NOX1: variants seen among roughly 807,000 people sequenced by gnomAD.
NOX1 encodes NADH/NADPH mitogenic oxidase subunit P65-MOX.
Under a neutral mutation model 42.5 loss-of-function variants are expected in NOX1, and 34 were observed. The ratio of observed to expected loss-of-function variants is 0.80; its 90% CI spans 0.61 to 1.07. The LOEUF is 1.07. Ranked by LOEUF, NOX1 falls within the 50% of genes least tolerant of loss-of-function variation. NOX1 has a pLI of 0.00. For missense variants in NOX1, 408 were observed against 427.0 expected (o/e 0.96, Z 0.39); for synonymous variants, 143 against 152.5 (o/e 0.94, Z 0.46).
intron 7 of NOX1, among the ~76,000 whole-genome samples, chrX:100,861,073 CTT>C (rs2085200060): frequency 9.0e-6 from 1 of 111,482 alleles, no homozygotes; most frequent in South Asian, 3.8e-4. Context: ...AAAATTATCT[CTT>C]CTTTTATGGC....
intron 4 of NOX1, 120 bp downstream of exon 4, chrX:100,863,039 G>T: frequency 1.6e-6 from 1 of 634,485 alleles, no homozygotes; most frequent in Non-Finnish European, 2.6e-6. Flanking sequence ...GCCAAGAACA[G>T]TGCCTGACAA....
At chrX:100,853,284 T>TTCTTTCTTTCTTTCTTTCTCTCTCTTTC (rs2085132912) in intron 7 of NOX1, among the ~76,000 whole-genome samples, 8 of 71,352 alleles carry the variant, frequency 1.1e-4, no homozygotes, top group African/African-American at 4.4e-4. Context: ...CTTTCTTTCT[T>TTCTTTCTTTCTTTCTTTCTCTCTCTTTC]TCTTTCTTTC....
chrX:100,858,090 A>G lies in NOX1; in HGVS notation c.804+4081T>C, dbSNP rs193080560. Among the ~76,000 whole-genome samples the G allele has an allele frequency of 5.4e-5, 6 of 111,821 alleles. 1 individual carries two copies. The East Asian group carries it at 1.7e-3, about 31-fold the overall frequency. The stretch of plus-strand genomic sequence containing the variant: ...GGTTTTACATTTAAGTCTTTAATCC[A>G]TTTTGAGTTGGTTTTTGTATATGGT... On this transcript the variant is annotated intron_variant, in intron 7 of 12. Transcript: ENST00000372966.
At chrX:100,853,332 C>CTTTTTCTTTCTTTCTTTCTTTCTT (rs1556128756) in intron 7 of NOX1, among the ~76,000 whole-genome samples, 5 of 19,344 alleles carry the variant, frequency 2.6e-4, no homozygotes, top group Admixed American at 6.0e-4. Flanking sequence ...CTCTCTCTTT[C>CTTTTTCTTTCTTTCTTTCTTTCTT]TCTTTCTTTC....
chrX:100,849,685 C>T, intron 10 of NOX1, 87 bp downstream of exon 10: 1 of 942,713 alleles, frequency 1.1e-6, no homozygotes, highest in Non-Finnish European at 1.5e-6. Context: ...ATAGGTTGCT[C>T]CCTTATCAAT....
intron 7 of NOX1, among the ~76,000 whole-genome samples, chrX:100,853,308 T>TCTCTCTCTTTC (rs1569445639): frequency 8.4e-5 from 7 of 83,291 alleles, no homozygotes; most frequent in African/African-American, 3.6e-4. Flanking sequence ...CTTTCTTTCT[T>TCTCTCTCTTTC]TCTTTCTTTC....
intron 7 of NOX1, among the ~76,000 whole-genome samples, chrX:100,858,678 A>AT (rs896229968): frequency 4.4e-4 from 48 of 109,570 alleles, no homozygotes; most frequent in Non-Finnish European, 7.6e-4. Context: ...TAGGTATTTT[A>AT]TTTTTTTTGT....
At position 100,853,322 on chromosome X, in the gene NOX1, C is replaced by T. The variant is rs1390474786; in HGVS notation, c.805-1997G>A. ...TCTTTCTTTCTTTCTTTCTTTCTTTCTCTCTCTTTCTCTTTCTTTCTTTCT... is the reference window on the plus strand; with the variant it reads ...TCTTTCTTTCTTTCTTTCTTTCTTTTTCTCTCTTTCTCTTTCTTTCTTTCT... On this transcript the variant is annotated intron_variant, in intron 7 of 12. Transcript: ENST00000372966. Among the ~76,000 whole-genome samples, 71 of 22,780 alleles carry T rather than the reference C, an allele frequency of 3.1e-3. 1 individual carries two copies. Among genetic ancestry groups the T allele is most frequent in the African/African-American group, 3.6e-3 (17 of 4,675 alleles). 19.8% of individuals were successfully genotyped at this position (22,780 alleles called of 115,157 possible). A position where few individuals can be genotyped will look rare whatever the true frequency, so the allele number is the denominator to read the frequency against.
chrX:100,845,211 A>T (rs769349615), intron 12 of NOX1, among the ~76,000 whole-genome samples: 1 of 110,376 alleles, frequency 9.1e-6, no homozygotes, highest in Non-Finnish European at 1.9e-5. Flanking sequence ...AGCAGTCCTC[A>T]TTTCCTCCCA....
At chrX:100,871,255 T>C (rs1215037299) in intron 1 of NOX1, among the ~76,000 whole-genome samples, 1 of 112,395 alleles carries the variant, frequency 8.9e-6, no homozygotes, top group African/African-American at 3.2e-5. Flanking sequence ...GTTTTTGTGA[T>C]ACAATGACGG....
intron 2 of NOX1, among the ~76,000 whole-genome samples, chrX:100,866,944 G>A (rs1264238408): frequency 8.9e-6 from 1 of 111,754 alleles, no homozygotes; most frequent in Non-Finnish European, 1.9e-5. Flanking sequence ...TTGGGAGGCC[G>A]AGGTGGGAAT....
At chrX:100,867,762 AGAAGGAAG>A (rs1325332167) in intron 2 of NOX1, among the ~76,000 whole-genome samples, 2 of 99,861 alleles carry the variant, frequency 2.0e-5, no homozygotes, top group African/African-American at 7.5e-5. Flanking sequence ...AAAGAAAGAA[AGAAGGAAG>A]GAAGGAAGGA....
intron 7 of NOX1, chrX:100,855,637 C>T (rs1033757248): frequency 8.7e-6 from 9 of 1,033,792 alleles, no homozygotes; most frequent in East Asian, 6.1e-5. Context: ...TAACCAGGGC[C>T]GCCTCCTGGA....
At chrX:100,866,307 G>A (rs1465566677) in intron 2 of NOX1, among the ~76,000 whole-genome samples, 1 of 109,260 alleles carries the variant, frequency 9.2e-6, no homozygotes, top group Non-Finnish European at 1.9e-5. Context: ...TCCCTTTTTT[G>A]GTTAAAACAA....
intron 7 of NOX1, among the ~76,000 whole-genome samples, chrX:100,858,755 T>C (rs762846994): frequency 1.8e-5 from 2 of 111,269 alleles, no homozygotes; most frequent in Non-Finnish European, 3.8e-5. Flanking sequence ...GGTATAGCAA[T>C]GCTACTGATT....
chrX:100,862,958 C>T, intron 4 of NOX1, 138 bp from the exon 5 acceptor site: 2 of 643,432 alleles, frequency 3.1e-6, no homozygotes, highest in Middle Eastern at 3.6e-4. Context: ...AATAAACCCT[C>T]GATTGCGGAG....
chrX:100,867,947 T>C (rs993267320), intron 2 of NOX1, among the ~76,000 whole-genome samples: 1 of 111,197 alleles, frequency 9.0e-6, no homozygotes, highest in Non-Finnish European at 1.9e-5. Context: ...ACCCCCTACA[T>C]ATGTAAACAA....
At chrX:100,846,937 C>T (rs1160672825) in intron 12 of NOX1, among the ~76,000 whole-genome samples, 2 of 111,481 alleles carry the variant, frequency 1.8e-5, no homozygotes, top group African/African-American at 6.5e-5. Context: ...GCTGTAATCC[C>T]AGCACTTTGG....
chrX:100,857,609 T>A (rs960388032), intron 7 of NOX1, among the ~76,000 whole-genome samples: 1 of 111,941 alleles, frequency 8.9e-6, no homozygotes, highest in Admixed American at 9.5e-5. Context: ...TGGTTTGGAT[T>A]TGCATTTCTC....
Sources: allele counts gnomAD v4.1 joint callset (sites outside exome capture counted in the v4.1 genomes callset), GRCh38; gene constraint gnomAD v4.1.1; transcripts MANE v1.5; gene names NCBI Gene and HGNC (gene_info 2026-07-23, HGNC 2026-07-21).